Variants in GFM1 observed in about 807,000 individuals in gnomAD.
The protein encoded by GFM1 is G elongation factor mitochondrial 1.
Under a neutral mutation model 96.2 loss-of-function variants are expected in GFM1, and 62 were observed. The ratio of observed to expected loss-of-function variants is 0.64; its 90% CI spans 0.53 to 0.80. The LOEUF is 0.80. Ranked by LOEUF, GFM1 falls within the 30% of genes least tolerant of loss-of-function variation. The pLI is 0.00. For synonymous variants in GFM1, 282 were observed against 312.9 expected, an observed-to-expected ratio of 0.90 and a Z score of 1.04; for missense variants, 852 against 916.6, an observed-to-expected ratio of 0.93 and a Z score of 0.91.
rs1366792182 is a variant in GFM1 at position 158,669,328 on chromosome 3, T to A, written c.1601+2942T>A. The A allele has an allele frequency of 6.2e-6, 8 of 1,288,822 alleles. No homozygotes were observed. In the East Asian group the frequency reaches 1.7e-4, roughly 27 times the overall value. The allele number at this position is 1,288,822 out of a possible 1,614,324, so 79.8% of individuals were successfully genotyped here. ...AGAAATGAGTATTTTTGCAAAAGCC[T>A]GTAAGTTTCTAACATACTTAGCAAC... On this transcript the variant is annotated intron_variant, in intron 13 of 17. Transcript: ENST00000486715.
intron 8 of GFM1, chr3:158,655,709 G>C (rs1172704871): frequency 3.5e-6 from 1 of 286,722 alleles, no homozygotes; most frequent in Non-Finnish European, 7.0e-6. Context: ...CCTGCACCCA[G>C]TTTCCTCTAT....
At chr3:158,650,631 T>C (rs1722211274) in intron 5 of GFM1, 1 of 152,414 alleles carries the variant, frequency 6.6e-6, no homozygotes, top group African/African-American at 2.4e-5. Flanking sequence ...GAATATTAAG[T>C]GTTACTTTTT....
At chr3:158,653,560 C>A in intron 7 of GFM1, 93 bp downstream of exon 7, 1 of 955,904 alleles carries the variant, frequency 1.0e-6, no homozygotes, top group Admixed American at 2.3e-5. Flanking sequence ...TTAATTATGT[C>A]TGTGATTTTT....
At chr3:158,685,898 AC>A (rs1725797590) in intron 15 of GFM1, among the ~76,000 whole-genome samples, 1 of 152,138 alleles carries the variant, frequency 6.6e-6, no homozygotes, top group South Asian at 2.1e-4. Flanking sequence ...CACTTTATAT[AC>A]TTTTTAGAAG....
chr3:158,676,215 C>T (rs887880783), intron 13 of GFM1, among the ~76,000 whole-genome samples: 4 of 152,106 alleles, frequency 2.6e-5, no homozygotes, highest in African/African-American at 4.8e-5. Context: ...TGCGATGAGC[C>T]GAGATTGCAC....
At chr3:158,664,498 A>G (rs1460605508) in intron 11 of GFM1, among the ~76,000 whole-genome samples, 1 of 152,066 alleles carries the variant, frequency 6.6e-6, no homozygotes, top group African/African-American at 2.4e-5. Context: ...GAGGCTACCC[A>G]CCTTCCTTGG....
At chr3:158,648,424 A>G (rs1186749402) in intron 4 of GFM1, among the ~76,000 whole-genome samples, 1 of 152,056 alleles carries the variant, frequency 6.6e-6, no homozygotes, top group Non-Finnish European at 1.5e-5. Context: ...CACACCTGTA[A>G]TCCCAGCACT....
At chr3:158,653,757 T>TTA (rs1722495690) in intron 7 of GFM1, among the ~76,000 whole-genome samples, 1 of 147,538 alleles carries the variant, frequency 6.8e-6, no homozygotes, top group Admixed American at 6.8e-5. Context: ...GACATACTGT[T>TTA]AAAAAAAAAA....
At chr3:158,652,008 T>A in intron 5 of GFM1, 88 bp from the exon 6 acceptor site, 2 of 1,159,224 alleles carry the variant, frequency 1.7e-6, no homozygotes, top group South Asian at 1.3e-5. Flanking sequence ...CCTAAAAAAA[T>A]ATTTTAACCA....
chr3:158,676,987 G>T (rs531114307), intron 13 of GFM1, among the ~76,000 whole-genome samples: 27 of 152,034 alleles, frequency 1.8e-4, no homozygotes, highest in African/African-American at 6.5e-4. Flanking sequence ...GGCATGAGCC[G>T]CCACGCCCGG....
rs758635854 is a variant in GFM1, at chr3:158,645,776, C to T, written c.229C>T (p.His77Tyr). ...LYYTGRIAKM[H>Y]EVKGKDGVGA... is the part of the protein sequence containing the mutation. ...CTACACTGGCAGAATTGCAAAGATGCATGAGGTATATATTCACGGTTGATT... is the reference window on the plus strand; with the variant it reads ...CTACACTGGCAGAATTGCAAAGATGTATGAGGTATATATTCACGGTTGATT... The change falls in exon 2 of 18, where the codon CAT becomes TAT. Residue 77 changes from histidine to tyrosine, a missense_variant. Transcript: ENST00000486715. 1 of 1,610,104 alleles carries T rather than the reference C, an allele frequency of 6.2e-7. No homozygotes were observed. Among genetic ancestry groups the T allele is most frequent in the South Asian group, 1.1e-5 (1 of 91,002 alleles).
rs776809220 is a variant in GFM1, at chr3:158,681,990, T to G, written c.1602-5T>G. On this transcript the variant is annotated splice_polypyrimidine_tract_variant and splice_region_variant and intron_variant, in intron 13 of 17. Coordinates refer to ENST00000486715, the MANE Select transcript of GFM1 (RefSeq NM_024996.7). Reference sequence around the variant, plus strand: ...TCCATTTTTTTTTTCCTAAATCACTTTCAGGTTTGACTTTACACATAAAAA... The same window carrying G: ...TCCATTTTTTTTTTCCTAAATCACTGTCAGGTTTGACTTTACACATAAAAA... 3 of 1,612,538 alleles carry G rather than the reference T, an allele frequency of 1.9e-6. No individual in the cohort carries two copies. The highest frequency in any genetic ancestry group is 2.5e-6 in the Non-Finnish European group (3 of 1,179,104).
chr3:158,686,651 ATATTATT>A (rs1725878679), intron 15 of GFM1, among the ~76,000 whole-genome samples: 1 of 147,204 alleles, frequency 6.8e-6, no homozygotes, highest in African/African-American at 2.5e-5. Flanking sequence ...TATAGTATAT[ATATTATT>A]AAGTATAATT....
At chr3:158,651,908 G>GT (rs1166767377) in intron 5 of GFM1, among the ~76,000 whole-genome samples, 188 bp from the exon 6 acceptor site, 2 of 151,956 alleles carry the variant, frequency 1.3e-5, no homozygotes, top group African/African-American at 4.8e-5. Context: ...GCCTATTTCA[G>GT]TATATTTATC....
chr3:158,654,227 T>TG (rs1722548505), intron 7 of GFM1, among the ~76,000 whole-genome samples: 3 of 146,120 alleles, frequency 2.1e-5, no homozygotes, highest in Admixed American at 6.8e-5. Context: ...TTTTTTTTTT[T>TG]TTGTTGAGAC....
chr3:158,658,190 T>A (rs577529319), intron 8 of GFM1, among the ~76,000 whole-genome samples: 1 of 123,298 alleles, frequency 8.1e-6, no homozygotes, highest in South Asian at 2.6e-4. Context: ...TGAGACAGAG[T>A]CTCACCTATT....
rs1346684902 is a variant in GFM1, at chr3:158,675,576, T to C, written c.1602-6419T>C. The stretch of plus-strand genomic sequence containing the variant: ...TTCTAAATTTTATATATTGATCAAA[T>C]GGGCCAAACAAGTTACTGATTCAAT... On this transcript the variant is annotated intron_variant, in intron 13 of 17. Transcript: ENST00000486715. Among the ~76,000 whole-genome samples the C allele has an allele frequency of 2.6e-5, 4 of 152,064 alleles. No homozygotes were observed. The South Asian group carries it at 8.3e-4, about 31-fold the overall frequency.
At chr3:158,665,676 A>G (rs1323062784) in intron 12 of GFM1, among the ~76,000 whole-genome samples, 1 of 152,144 alleles carries the variant, frequency 6.6e-6, no homozygotes, top group African/African-American at 2.4e-5. Flanking sequence ...TTTATTTGTA[A>G]AACGTTCTGG....
chr3:158,672,347 C>T (rs112809766), intron 13 of GFM1: 31,651 of 1,613,594 alleles, frequency 0.02, 384 homozygotes, highest in Middle Eastern at 0.027. Flanking sequence ...CTGCTAAACT[C>T]ACCTCCATGC....
Sources: allele counts gnomAD v4.1 joint callset (sites outside exome capture counted in the v4.1 genomes callset), GRCh38; gene constraint gnomAD v4.1.1; transcripts MANE v1.5; gene names NCBI Gene and HGNC (gene_info 2026-07-23, HGNC 2026-07-21).